The following MYLK3 variants were observed in gnomAD, a reference collection of about 807,000 sequenced individuals.
MYLK3 encodes the protein myosin light chain kinase 3.
Under a neutral mutation model 76.3 loss-of-function variants are expected in MYLK3, and 55 were observed. That is an observed-to-expected ratio of 0.72 (90% confidence interval 0.58 to 0.90). The LOEUF (loss-of-function observed/expected upper bound fraction) is 0.90. Ranked by LOEUF, MYLK3 falls within the 40% of genes least tolerant of loss-of-function variation. The probability of loss-of-function intolerance (pLI) is 0.00; values close to 1 mark genes in which losing one functional copy is unlikely to be tolerated. For synonymous variants in MYLK3, 416 were observed against 425.4 expected (o/e 0.98, Z 0.27); for missense variants, 973 against 1,053.6 (o/e 0.92, Z 1.06).
At chr16:46,763,142 A>G in exon 1 of MYLK3, 1 of 984,324 alleles carries the variant, frequency 1.0e-6, no homozygotes, top group Non-Finnish European at 1.2e-6. Context: ...TACACAGACA[A>G]ACTTAAACCT....
At chr16:46,762,074 T>G (rs1006324748) in intron 1 of MYLK3, among the ~76,000 whole-genome samples, 2 of 152,196 alleles carry the variant, frequency 1.3e-5, no homozygotes, top group African/African-American at 4.8e-5. Context: ...CTTTGAAAGT[T>G]CTTCCAAGGC....
At chr16:46,749,619 C>T (rs1020456628), upstream of MYLK3, among the ~76,000 whole-genome samples, 18 of 152,138 alleles carry the variant, frequency 1.2e-4, no homozygotes, top group African/African-American at 3.6e-4. Context: ...CGTGGTGGCA[C>T]GCACCTGTGG....
At chr16:46,757,582 C>T (rs1230307393) in intron 1 of MYLK3, 20 of 985,318 alleles carry the variant, frequency 2.0e-5, no homozygotes, top group African/African-American at 1.0e-4. Flanking sequence ...ACGCCCGGAG[C>T]GCTGGGAATG....
At chr16:46,714,950 G>A (rs1369955819) in intron 9 of MYLK3, among the ~76,000 whole-genome samples, 3 of 152,298 alleles carry the variant, frequency 2.0e-5, no homozygotes, top group East Asian at 1.9e-4. Context: ...TGTAGCATTT[G>A]CAATTTCTGT....
chr16:46,734,249 T>C (rs1163517631), intron 3 of MYLK3, among the ~76,000 whole-genome samples: 2 of 152,202 alleles, frequency 1.3e-5, no homozygotes, highest in Non-Finnish European at 2.9e-5. Context: ...AGGAGGGACG[T>C]TCTGACACAC....
chr16:46,732,309 C>G lies in MYLK3; in HGVS notation c.1361G>C (p.Gly454Ala). Residue 454 changes from glycine to alanine, a missense_variant, in exon 4 of 13, where the codon GGA becomes GCA. By Grantham distance (60) the Gly-to-Ala change is moderately conservative (BLOSUM62 0). This residue lies in a region of MYLK3 where 641 missense variants were observed against 637.0 expected (regional missense o/e 1.01). Transcript: ENST00000394809. Reference sequence around the variant, plus strand: ...ACAGTCCTGCTCAGGCTCAGGGTTTCCCGCCCCTGGGCTTTTGCCCTGCTG... The same window carrying G: ...ACAGTCCTGCTCAGGCTCAGGGTTTGCCGCCCCTGGGCTTTTGCCCTGCTG... ...GLQQGKSPGA[G>A]NPEPEQDCAA... 6.2e-7 allele frequency: 1 copy of G among 1,611,338 alleles called. No homozygotes were observed. The highest frequency in any genetic ancestry group is 8.5e-7 in the Non-Finnish European group (1 of 1,180,032).
chr16:46,761,249 A>G (rs541511240), intron 1 of MYLK3, among the ~76,000 whole-genome samples: 3 of 152,160 alleles, frequency 2.0e-5, no homozygotes, highest in African/African-American at 7.2e-5. Context: ...CACGACATCA[A>G]TGGAGGCCCA....
intron 12 of MYLK3, among the ~76,000 whole-genome samples, chr16:46,708,442 G>C (rs1966649517): frequency 6.6e-6 from 1 of 152,048 alleles, no homozygotes; most frequent in Non-Finnish European, 1.5e-5. Flanking sequence ...TATTCTGTTA[G>C]AGAAAATGTT....
intron 1 of MYLK3, among the ~76,000 whole-genome samples, chr16:46,743,021 G>A (rs1030436567): frequency 4.6e-5 from 7 of 152,174 alleles, no homozygotes; most frequent in East Asian, 3.9e-4. Context: ...GTAGGCAGGC[G>A]CATGCGTACG....
chr16:46,750,924 C>T (rs550397755), upstream of MYLK3, among the ~76,000 whole-genome samples: 1 of 152,124 alleles, frequency 6.6e-6, no homozygotes, highest in Non-Finnish European at 1.5e-5. Flanking sequence ...ACCCAGGAGA[C>T]GGAGATTGCA....
intron 1 of MYLK3, among the ~76,000 whole-genome samples, chr16:46,753,756 A>C (rs1007435664): frequency 6.6e-6 from 1 of 152,154 alleles, no homozygotes; most frequent in Admixed American, 6.5e-5. Flanking sequence ...ACAAAAAAAA[A>C]ATTTTAATTA....
chr16:46,707,023 T>G lies in MYLK3; in HGVS notation c.*681A>C, dbSNP rs1966633409. 6.6e-6 allele frequency: 1 copy of G among 152,156 alleles called. No individual in the cohort carries two copies. Among genetic ancestry groups the G allele is most frequent in the Non-Finnish European group, 1.5e-5 (1 of 68,036 alleles). The allele number at this position is 152,156 out of a possible 1,614,324, so 9.4% of individuals were successfully genotyped here. A position where few individuals can be genotyped will look rare whatever the true frequency, so the allele number is the denominator to read the frequency against. On this transcript the variant is annotated 3_prime_UTR_variant, in exon 13 of 13. Coordinates refer to ENST00000394809, the MANE Select transcript of MYLK3 (RefSeq NM_182493.3). ...ATAAATTGCCTATCAGCTTCCAGAC[T>G]TACAAGACCAGAAATTTATAACTAA... is the stretch of plus-strand genomic sequence containing the variant.
chr16:46,736,649 T>G (rs1966869648), intron 3 of MYLK3, among the ~76,000 whole-genome samples: 1 of 152,066 alleles, frequency 6.6e-6, no homozygotes, highest in Non-Finnish European at 1.5e-5. Context: ...AGGCTCCCAT[T>G]TCCTCCTAGA....
chr16:46,732,270 G>A lies in MYLK3; in HGVS notation c.1400C>T (p.Pro467Leu), dbSNP rs770077820. The change falls in exon 4 of 13, where the codon CCG becomes CTG. Residue 467 changes from proline (P) to leucine (L), a missense_variant. Pro to Leu is a moderately conservative substitution (Grantham distance 98). Coordinates refer to ENST00000394809, the MANE Select transcript of MYLK3 (RefSeq NM_182493.3). Reference sequence around the variant, plus strand: ...CCTCCTTACTGCTTCAGCTCTCACCGGAGCCCTGGCTGCACAGTCCTGCTC... The same window carrying A: ...CCTCCTTACTGCTTCAGCTCTCACCAGAGCCCTGGCTGCACAGTCCTGCTC... ...EPEQDCAARA[P>L]VRAEAVRRMP... 87 of 1,606,078 alleles carry A rather than the reference G, an allele frequency of 5.4e-5. 1 individual carries two copies. Among genetic ancestry groups the A allele is most frequent in the South Asian group, 1.6e-4 (15 of 91,058 alleles).
intron 3 of MYLK3, among the ~76,000 whole-genome samples, chr16:46,735,606 T>C (rs532867294): frequency 6.6e-6 from 1 of 152,312 alleles, no homozygotes; most frequent in South Asian, 2.1e-4. Context: ...CTGACACACC[T>C]GTCCCTAGGT....
At chr16:46,732,124 G>T in intron 4 of MYLK3, 84 bp downstream of exon 4, 1 of 1,174,580 alleles carries the variant, frequency 8.5e-7, no homozygotes, top group Non-Finnish European at 1.2e-6. Context: ...ACCCCTGGAA[G>T]CTACAGGAAG....
chr16:46,708,976 C>T (rs1262619103), intron 12 of MYLK3, among the ~76,000 whole-genome samples: 2 of 152,216 alleles, frequency 1.3e-5, no homozygotes, highest in Non-Finnish European at 2.9e-5. Context: ...CATTCTGTCA[C>T]TTCAAGTGTC....
At position 46,729,588 on chromosome 16, in the gene MYLK3, C is replaced by A. The variant is rs1966848425; in HGVS notation, c.1662+6G>T. 6.2e-7 allele frequency: 1 copy of A among 1,613,256 alleles called. No homozygotes were observed. The highest frequency in any genetic ancestry group is 1.1e-5 in the South Asian group (1 of 91,080). The stretch of plus-strand genomic sequence containing the variant: ...CACAGGGACCTGGCCCAGCCAGATG[C>A]CTCACCCGGTCCTTGGCGCTCTTCA... On this transcript the variant is annotated splice_donor_region_variant and intron_variant, in intron 6 of 12. Coordinates refer to ENST00000394809, the MANE Select transcript of MYLK3 (RefSeq NM_182493.3).
Position 46,730,622 on chromosome 16 carries a change from G to A in MYLK3, c.1539C>T (p.Tyr513=), listed in dbSNP as rs199809849. ...CCAAGACTTCGTGCTGGCACACCTC[G>A]TAACCCGCAGAGATGGAGGTCTCCT... ...SVKETSISAG[Y]EVCQHEVLGG... The change falls in exon 5 of 13, where the codon TAC becomes TAT. Residue 513 remains tyrosine, a synonymous_variant. Transcript: ENST00000394809. 37 of 1,614,032 alleles carry A rather than the reference G, an allele frequency of 2.3e-5. 1 individual carries two copies. The East Asian group carries it at 3.6e-4, about 16-fold the overall frequency.
Sources: gnomAD v4.1 joint callset for allele counts (sites outside exome capture counted in the v4.1 genomes callset) on GRCh38, gnomAD v4.1.1 for gene constraint, gnomAD v4.1.1 regional missense constraint, MANE v1.5 for transcripts, NCBI Gene and HGNC (gene_info 2026-07-23, HGNC 2026-07-21) for gene names.